Variants in GRB2 observed in about 807,000 individuals in gnomAD.
GRB2 encodes the protein growth factor receptor bound protein 2.
A neutral mutation model predicts 27.4 loss-of-function variants in GRB2; 2 were observed. The observed-to-expected ratio is 0.07, with a 90% CI of 0.03 to 0.23. The LOEUF (loss-of-function observed/expected upper bound fraction) is 0.23. Among genes scored for constraint, GRB2 ranks in the 10% least tolerant of loss-of-function variants. GRB2 has a pLI of 1.00. For synonymous variants in GRB2, 94 were observed against 99.6 expected (o/e 0.94, Z 0.33); for missense variants, 102 against 282.4 (o/e 0.36, Z 4.58).
At chr17:75,383,698 T>C (rs1397766498) in intron 2 of GRB2, among the ~76,000 whole-genome samples, 2 of 151,836 alleles carry the variant, frequency 1.3e-5, no homozygotes, top group Non-Finnish European at 1.5e-5. Context: ...AAAAATTAGC[T>C]GGGTGTGGTG....
In GRB2 at chr17:75,393,715, T is replaced by C. The variant is rs1417908913; in HGVS notation, c.-87A>G. 3 of 1,007,960 alleles carry C rather than the reference T, an allele frequency of 3.0e-6. No individual in the cohort carries two copies. The highest frequency in any genetic ancestry group is 4.7e-6 in the Non-Finnish European group (3 of 643,080). The allele number at this position is 1,007,960 out of a possible 1,614,324, so 62.4% of individuals were successfully genotyped here. On this transcript the variant is annotated 5_prime_UTR_variant, in exon 2 of 6. Transcript: ENST00000316804. ...GCAACCCAGCGCTCTGGGCTTAGCC[T>C]CGCCTCTCTTCTGGGACTCGCTCCG...
chr17:75,336,661 AATT>A (rs1392799080), intron 2 of GRB2, among the ~76,000 whole-genome samples: 1 of 152,158 alleles, frequency 6.6e-6, no homozygotes, highest in African/African-American at 2.4e-5. Flanking sequence ...ACAGAACAAA[AATT>A]ATTACTTGGT....
intron 2 of GRB2, among the ~76,000 whole-genome samples, chr17:75,391,354 CTG>C (rs927329274): frequency 9.1e-4 from 139 of 152,250 alleles, no homozygotes; most frequent in Middle Eastern, 3.4e-3. Context: ...TTCTGAGGGA[CTG>C]TTAAACAGGA....
At chr17:75,402,566 T>A (rs1028381240) in intron 1 of GRB2, among the ~76,000 whole-genome samples, 1 of 152,196 alleles carries the variant, frequency 6.6e-6, no homozygotes, top group African/African-American at 2.4e-5. Context: ...ACAGTTTTGA[T>A]CCTTAGACCA....
At chr17:75,352,703 C>T (rs1370351526) in intron 2 of GRB2, among the ~76,000 whole-genome samples, 1 of 152,104 alleles carries the variant, frequency 6.6e-6, no homozygotes, top group Admixed American at 6.6e-5. Context: ...CCTTTATGAT[C>T]CCCTCTATGC....
intron 2 of GRB2, among the ~76,000 whole-genome samples, chr17:75,388,475 C>T (rs1162144106): frequency 6.6e-6 from 1 of 150,892 alleles, no homozygotes; most frequent in Non-Finnish European, 1.5e-5. Flanking sequence ...AGAATTCTTA[C>T]CAAAAGGCAA....
chr17:75,335,325 T>TGGTAA (rs2145828336), intron 2 of GRB2, among the ~76,000 whole-genome samples: 1 of 151,774 alleles, frequency 6.6e-6, no homozygotes, highest in African/African-American at 2.4e-5. Context: ...GCTAGTACAG[T>TGGTAA]GGTAATCTAC....
chr17:75,327,132 A>T (rs1338384486), intron 3 of GRB2, among the ~76,000 whole-genome samples: 1 of 148,118 alleles, frequency 6.8e-6, no homozygotes, highest in South Asian at 2.1e-4. Context: ...CAGTGGCACG[A>T]TCTCGCTCAC....
At chr17:75,346,899 C>T (rs1245969815) in intron 2 of GRB2, among the ~76,000 whole-genome samples, 1 of 152,082 alleles carries the variant, frequency 6.6e-6, no homozygotes, top group Admixed American at 6.6e-5. Context: ...ACCACATCAA[C>T]AGGCTCCCTC....
chr17:75,320,163 T>G lies in GRB2; in HGVS notation c.*205A>C. The G allele has an allele frequency of 1.9e-6, 1 of 513,006 alleles. No individual in the cohort carries two copies. Among genetic ancestry groups the G allele is most frequent in the Non-Finnish European group, 3.5e-6 (1 of 282,874 alleles). The allele number at this position is 513,006 out of a possible 1,614,324, so 31.8% of individuals were successfully genotyped here. Reference sequence around the variant, plus strand: ...GAAAATTTGTAATAAAAACTCTTCTTAATTTATAGGTAAGTTTTGGCATTT... The same window carrying G: ...GAAAATTTGTAATAAAAACTCTTCTGAATTTATAGGTAAGTTTTGGCATTT... On this transcript the variant is annotated 3_prime_UTR_variant, in exon 6 of 6. Coordinates refer to ENST00000316804, the MANE Select transcript of GRB2 (RefSeq NM_002086.5). The surrounding 1 kb of genome is among the most constrained non-coding windows in gnomAD (Gnocchi z 4.3).
chr17:75,388,196 A>T (rs1407024685), intron 2 of GRB2, among the ~76,000 whole-genome samples: 1 of 152,040 alleles, frequency 6.6e-6, no homozygotes, highest in African/African-American at 2.4e-5. Context: ...TCCCGGGTTC[A>T]AGCGATTCTC....
rs949130759 is a variant in GRB2 at position 75,405,673 on chromosome 17, C to T, written c.-322G>A. The T allele has an allele frequency of 1.3e-5, 2 of 158,064 alleles. No individual in the cohort carries two copies. Among genetic ancestry groups the T allele is most frequent in the African/African-American group, 4.8e-5 (2 of 41,508 alleles). The allele number at this position is 158,064 out of a possible 1,614,324, so 9.8% of individuals were successfully genotyped here. ...CCGGTCGCCGAAGCAGCAATACCTC[C>T]TGGCTTCCGCTCCCCGTCGGTGTCC... is the stretch of plus-strand genomic sequence containing the variant. On this transcript the variant is annotated 5_prime_UTR_variant, in exon 1 of 6. Transcript: ENST00000316804.
intron 1 of GRB2, among the ~76,000 whole-genome samples, chr17:75,395,183 T>C (rs540086059): frequency 9.8e-5 from 15 of 152,318 alleles, no homozygotes; most frequent in African/African-American, 3.4e-4. Flanking sequence ...GTGGGGAATA[T>C]TAAGATTAGA....
chr17:75,400,132 G>C (rs1598259295), intron 1 of GRB2, among the ~76,000 whole-genome samples: 1 of 152,004 alleles, frequency 6.6e-6, no homozygotes. Context: ...CAAGTAGCTG[G>C]GACTACAGGT....
intron 3 of GRB2, chr17:75,326,266 C>A: frequency 2.0e-6 from 1 of 508,958 alleles, no homozygotes; most frequent in Non-Finnish European, 3.6e-6. Context: ...GTCACTCTTT[C>A]TATAGAGGGA....
intron 2 of GRB2, among the ~76,000 whole-genome samples, chr17:75,355,428 A>T (rs982489651): frequency 1.3e-5 from 2 of 152,040 alleles, no homozygotes; most frequent in Non-Finnish European, 2.9e-5. Context: ...CTCCCCAAAC[A>T]TCTTGTTATA....
At chr17:75,357,896 A>G (rs2078744007) in intron 2 of GRB2, among the ~76,000 whole-genome samples, 2 of 152,080 alleles carry the variant, frequency 1.3e-5, no homozygotes, top group South Asian at 4.1e-4. Flanking sequence ...ACTCCTGCCT[A>G]GGCGACACAG....
intron 2 of GRB2, among the ~76,000 whole-genome samples, chr17:75,381,720 CA>C (rs373432382): frequency 1.1e-4 from 11 of 98,322 alleles, no homozygotes; most frequent in African/African-American, 3.1e-4. Flanking sequence ...GACTCCGTCT[CA>C]AAAAAAAAAA....
At position 75,338,996 on chromosome 17, in the gene GRB2, G is replaced by A. The variant is rs17569384; in HGVS notation, c.79-6199C>T. 2.3e-3 allele frequency: 2,922 copies of A among 1,260,504 alleles called. 5 individuals are homozygous for A. Among genetic ancestry groups the A allele is most frequent in the Middle Eastern group, 4.0e-3 (18 of 4,522 alleles). The allele number at this position is 1,260,504 out of a possible 1,614,324, so 78.1% of individuals were successfully genotyped here. A position where few individuals can be genotyped will look rare whatever the true frequency, so the allele number is the denominator to read the frequency against. On this transcript the variant is annotated intron_variant, in intron 2 of 5. Coordinates refer to ENST00000316804, the MANE Select transcript of GRB2 (RefSeq NM_002086.5). ...GGTGGGCAGACTAAGTCGATTTTCC[G>A]GAAAAAGGCTGAAACCACAAAGAAG...
Sources: gnomAD v4.1 joint callset for allele counts (sites outside exome capture counted in the v4.1 genomes callset) on GRCh38, gnomAD v4.1.1 for gene constraint, Gnocchi (gnomAD v3.1) non-coding constraint, MANE v1.5 for transcripts, NCBI Gene and HGNC (gene_info 2026-07-23, HGNC 2026-07-21) for gene names.